The following CACNA1E variants were observed in gnomAD, a reference collection of about 807,000 sequenced individuals.
The protein encoded by CACNA1E is calcium voltage-gated channel subunit alpha1 E.
A neutral mutation model predicts 259.2 loss-of-function variants in CACNA1E; 40 were observed. The observed-to-expected ratio is 0.15, with a 90% CI of 0.12 to 0.20. The LOEUF (loss-of-function observed/expected upper bound fraction) is 0.20, where lower values mean the gene tolerates loss of function less well. Among genes scored for constraint, CACNA1E ranks in the 10% least tolerant of loss-of-function variants. The probability of loss-of-function intolerance (pLI) is 1.00; values close to 1 mark genes in which losing one functional copy is unlikely to be tolerated. For synonymous variants in CACNA1E, 1,104 were observed against 1,138.5 expected, an observed-to-expected ratio of 0.97 and a Z score of 0.61; for missense variants, 1,874 against 3,040.1, an observed-to-expected ratio of 0.62 and a Z score of 9.02.
chr1:181,434,674 A>G (rs963853764), intron 2 of CACNA1E, among the ~76,000 whole-genome samples: 2 of 152,150 alleles, frequency 1.3e-5, no homozygotes, highest in African/African-American at 4.8e-5. Context: ...GTGGAAGTGA[A>G]CTTGAGGAGT....
intron 7 of CACNA1E, among the ~76,000 whole-genome samples, chr1:181,695,232 T>C (rs1298511441): frequency 6.6e-6 from 1 of 152,170 alleles, no homozygotes; most frequent in Non-Finnish European, 1.5e-5. Context: ...AAATTAGTCT[T>C]TTGAAAAATG....
At chr1:181,660,009 G>A (rs923117721) in intron 7 of CACNA1E, among the ~76,000 whole-genome samples, 2 of 152,206 alleles carry the variant, frequency 1.3e-5, no homozygotes, top group Admixed American at 6.5e-5. Flanking sequence ...GTTTTAATGT[G>A]TATGTGCATT....
chr1:181,541,475 C>T (rs1668575939), intron 3 of CACNA1E, among the ~76,000 whole-genome samples: 1 of 151,726 alleles, frequency 6.6e-6, no homozygotes, highest in Non-Finnish European at 1.5e-5. Context: ...GGATGATTTG[C>T]AGTTTGATGG....
chr1:181,678,398 C>CT (rs1486742224), intron 7 of CACNA1E, among the ~76,000 whole-genome samples: 1 of 152,218 alleles, frequency 6.6e-6, no homozygotes, highest in African/African-American at 2.4e-5. Flanking sequence ...AAAGGCACCA[C>CT]TGTCTGGGAG....
intron 1 of CACNA1E, among the ~76,000 whole-genome samples, chr1:181,384,577 GCTTCC>G: frequency 6.6e-6 from 1 of 152,116 alleles, no homozygotes; most frequent in African/African-American, 2.4e-5. Context: ...CTGATTATTG[GCTTCC>G]TCATCTTTAA....
At chr1:181,414,364 G>T (rs1275105716) in intron 2 of CACNA1E, among the ~76,000 whole-genome samples, 4 of 152,212 alleles carry the variant, frequency 2.6e-5, no homozygotes, top group African/African-American at 9.6e-5. Context: ...AGTCACAGAT[G>T]TATTTTGATG....
rs1252732092 is a variant in CACNA1E at position 181,391,937 on chromosome 1, CTCTCTCTCTGTGTG to C, written c.-14-21194_-14-21181del. The stretch of plus-strand genomic sequence containing the variant: ...TTTCTCTCTCTCTGTCTCTCTCTCT[CTCTCTCTCTGTGTG>C]TGTGTGTGTGTGTGTGTGTGTGTGT... On this transcript the variant is annotated intron_variant, in intron 1 of 11. Coordinates refer to the CACNA1E transcript ENST00000524607. Among the ~76,000 whole-genome samples the C allele has an allele frequency of 7.1e-3, 531 of 74,930 alleles. 2 individuals are homozygous for C. Among genetic ancestry groups the C allele is most frequent in the African/African-American group, 0.021 (500 of 24,386 alleles). The allele number at this position is 74,930 out of a possible 152,430, so 49.2% of individuals were successfully genotyped here.
In CACNA1E at chr1:181,717,183, T is replaced by C; in HGVS notation, c.1406T>C (p.Ile469Thr). ...RHKERLLRIS[I>T]RHMVKSQVFY... ...AAGGAAAGGCTTCTGCGCATCTCCA[T>C]TCGCCACATGGTTAAATCCCAGGTG... The change falls in exon 11 of 48, where the codon ATT (isoleucine) becomes ACT (threonine). Residue 469 changes from isoleucine (I) to threonine (T), a missense_variant. Ile to Thr is a moderately conservative substitution (Grantham distance 89). Transcript: ENST00000367573. The C allele has an allele frequency of 6.2e-7, 1 of 1,614,056 alleles. No homozygotes were observed. Among genetic ancestry groups the C allele is most frequent in the Non-Finnish European group, 8.5e-7 (1 of 1,179,894 alleles).
chr1:181,357,628 A>G (rs1371873717), intron 1 of CACNA1E, among the ~76,000 whole-genome samples: 1 of 151,806 alleles, frequency 6.6e-6, no homozygotes, highest in Non-Finnish European at 1.5e-5. Context: ...CCAAAAGAAA[A>G]CCTCCTCCTT....
intron 2 of CACNA1E, among the ~76,000 whole-genome samples, chr1:181,439,115 C>G (rs1182360841): frequency 1.3e-5 from 2 of 152,030 alleles, no homozygotes; most frequent in Non-Finnish European, 2.9e-5. Context: ...CAAACTTTTC[C>G]TATTTGATTT....
intron 7 of CACNA1E, among the ~76,000 whole-genome samples, chr1:181,657,932 T>C (rs148461649): frequency 2.0e-5 from 3 of 152,370 alleles, no homozygotes; most frequent in African/African-American, 7.2e-5. Flanking sequence ...AGCCAGCCAG[T>C]ACCTACAACT....
intron 2 of CACNA1E, among the ~76,000 whole-genome samples, chr1:181,436,382 A>G (rs1167498156): frequency 6.6e-6 from 1 of 152,252 alleles, no homozygotes; most frequent in Non-Finnish European, 1.5e-5. Flanking sequence ...AAAGGAGATG[A>G]ATCAATATTT....
intron 7 of CACNA1E, among the ~76,000 whole-genome samples, chr1:181,707,397 C>T (rs74127826): frequency 0.024 from 3,645 of 151,998 alleles, 163 homozygotes; most frequent in African/African-American, 0.083. Flanking sequence ...CCTACAATGG[C>T]GAAGAAGAGC....
At chr1:181,782,717 G>T (rs115154658) in intron 39 of CACNA1E, among the ~76,000 whole-genome samples, 1 of 152,106 alleles carries the variant, frequency 6.6e-6, no homozygotes, top group Admixed American at 6.5e-5. Flanking sequence ...ACTGGAACAT[G>T]GCCATTAGGG....
At chr1:181,686,721 T>C (rs1205508973) in intron 7 of CACNA1E, among the ~76,000 whole-genome samples, 1 of 152,182 alleles carries the variant, frequency 6.6e-6, no homozygotes, top group Non-Finnish European at 1.5e-5. Context: ...GGATCACTGA[T>C]AGTAGGAATT....
At chr1:181,768,945 A>G (rs1659254314) in intron 35 of CACNA1E, among the ~76,000 whole-genome samples, 1 of 152,238 alleles carries the variant, frequency 6.6e-6, no homozygotes, top group Admixed American at 6.5e-5. Context: ...TATGAGAAAA[A>G]CCATTATTAT....
intron 3 of CACNA1E, among the ~76,000 whole-genome samples, chr1:181,513,506 G>A (rs140905769): frequency 7.9e-5 from 12 of 152,296 alleles, no homozygotes; most frequent in Non-Finnish European, 1.0e-4. Context: ...ATGCTCCAAC[G>A]TACGTCTTTT....
In CACNA1E at chr1:181,776,324, C is replaced by A. The variant is rs1659972032; in HGVS notation, c.5267+96C>A. The A allele has an allele frequency of 2.4e-6, 3 of 1,256,964 alleles. No individual in the cohort carries two copies. The highest frequency in any genetic ancestry group is 3.5e-5 in the Admixed American group (2 of 56,698). The allele number at this position is 1,256,964 out of a possible 1,614,324, so 77.9% of individuals were successfully genotyped here. On this transcript the variant is annotated intron_variant, in intron 38 of 47. Coordinates refer to ENST00000367573, the MANE Select transcript of CACNA1E (RefSeq NM_001205293.3). The surrounding 1 kb of genome is among the most constrained non-coding windows in gnomAD (Gnocchi z 4.4). ...GGAATTGGAGCCACCCAAATGCCTG[C>A]CTGTTACAGAAGGAAAGGAGATTCC...
intron 1 of CACNA1E, among the ~76,000 whole-genome samples, chr1:181,350,134 C>T (rs2102667333): frequency 6.6e-6 from 1 of 152,314 alleles, no homozygotes; most frequent in East Asian, 1.9e-4. Flanking sequence ...ATGCTCTCAG[C>T]AAACCAGAGC....
Sources: allele counts gnomAD v4.1 joint callset (sites outside exome capture counted in the v4.1 genomes callset), GRCh38; gene constraint gnomAD v4.1.1; non-coding constraint Gnocchi (gnomAD v3.1); transcripts MANE v1.5; gene names NCBI Gene and HGNC (gene_info 2026-07-23, HGNC 2026-07-21).